LDLRAD4: variants seen among roughly 807,000 people sequenced by gnomAD.
LDLRAD4 encodes low-density lipoprotein receptor class A domain-containing protein 4.
A neutral mutation model predicts 17.0 loss-of-function variants in LDLRAD4; 5 were observed. The ratio of observed to expected loss-of-function variants is 0.29; its 90% confidence interval spans 0.15 to 0.62. LDLRAD4 has a LOEUF of 0.62. Among genes scored for constraint, LDLRAD4 ranks in the 20% least tolerant of loss-of-function variants. LDLRAD4 has a pLI of 0.84. For missense variants in LDLRAD4, 340 were observed against 424.7 expected, an observed-to-expected ratio of 0.80 and a Z score of 1.75; for synonymous variants, 168 against 171.8, an observed-to-expected ratio of 0.98 and a Z score of 0.17.
chr18:13,267,533 T>G (rs1306904178), intron 1 of LDLRAD4, among the ~76,000 whole-genome samples: 1 of 152,268 alleles, frequency 6.6e-6, no homozygotes, highest in Admixed American at 6.5e-5. Flanking sequence ...GTAAACAACC[T>G]CTGCAGTGTT....
At chr18:13,461,582 G>C (rs768473504) in intron 3 of LDLRAD4, 1 of 152,230 alleles carries the variant, frequency 6.6e-6, no homozygotes, top group Non-Finnish European at 1.5e-5. Flanking sequence ...GCCCTAGCAA[G>C]CGGCTCCTGA....
At chr18:13,387,736 G>A in exon 2 of LDLRAD4, 1 of 1,614,072 alleles carries the variant, frequency 6.2e-7, no homozygotes, top group Non-Finnish European at 8.5e-7. Context: ...CCGGAAGCTG[G>A]TTTTCAGGCC....
intron 3 of LDLRAD4, among the ~76,000 whole-genome samples, chr18:13,481,716 C>CTGGG (rs34684209): frequency 0.79 from 119,921 of 151,742 alleles, 47,568 homozygotes; most frequent in South Asian, 0.88. Context: ...GGGTCCTGAG[C>CTGGG]TGGGCCTGAG....
chr18:13,447,035 G>C (rs1244113479), intron 3 of LDLRAD4, among the ~76,000 whole-genome samples: 1 of 152,216 alleles, frequency 6.6e-6, no homozygotes, highest in Non-Finnish European at 1.5e-5. Context: ...GGTTTCCACA[G>C]ACTTAATTCT....
intron 1 of LDLRAD4, chr18:13,280,182 G>A (rs1229186647): frequency 1.3e-5 from 2 of 152,212 alleles, no homozygotes; most frequent in African/African-American, 2.4e-5. Flanking sequence ...TTCCCTCCTC[G>A]ATGAATCTGA....
In LDLRAD4 at chr18:13,343,210, C is replaced by A. The variant is rs1003410441; in HGVS notation, c.-382-44131C>A. ...AACTCGTTATTTAACATTAATATAT[C>A]TCCTAATGCTATCCCTCCCCCCTCC... On this transcript the variant is annotated intron_variant, in intron 1 of 5. Coordinates refer to ENST00000359446, the Ensembl canonical transcript of LDLRAD4. 9.5e-4 allele frequency among the ~76,000 whole-genome samples: 144 copies of A among 151,278 alleles called. 1 individual carries two copies. The highest frequency in any genetic ancestry group is 1.9e-3 in the Non-Finnish European group (130 of 67,820).
chr18:13,229,701 G>A (rs2041977368), intron 1 of LDLRAD4, among the ~76,000 whole-genome samples: 1 of 152,146 alleles, frequency 6.6e-6, no homozygotes, highest in East Asian at 1.9e-4. Flanking sequence ...CGCTTCCTTC[G>A]CTCCCTCCCT....
chr18:13,506,958 G>A (rs2093703724), intron 3 of LDLRAD4, among the ~76,000 whole-genome samples: 1 of 152,188 alleles, frequency 6.6e-6, no homozygotes, highest in Admixed American at 6.5e-5. Context: ...GCTTTACTGT[G>A]CTTCACAGAT....
At chr18:13,359,101 G>A (rs1220398939) in intron 1 of LDLRAD4, among the ~76,000 whole-genome samples, 5 of 152,166 alleles carry the variant, frequency 3.3e-5, no homozygotes, top group African/African-American at 1.2e-4. Flanking sequence ...AGTGCACGTG[G>A]TTACTCCATG....
chr18:13,578,827 C>CTTGTTTTTT (rs2094812904), intron 3 of LDLRAD4, among the ~76,000 whole-genome samples: 1 of 65,676 alleles, frequency 1.5e-5, no homozygotes, highest in Non-Finnish European at 2.8e-5. Flanking sequence ...TTGTCCGGGT[C>CTTGTTTTTT]TTTTTTTTTT....
intron 3 of LDLRAD4, among the ~76,000 whole-genome samples, chr18:13,459,319 A>G (rs2092311737): frequency 6.6e-6 from 1 of 151,920 alleles, no homozygotes; most frequent in Admixed American, 6.6e-5. Context: ...GCCTGGTAAC[A>G]GACTGAGACT....
chr18:13,332,178 C>G (rs753226766), intron 1 of LDLRAD4, among the ~76,000 whole-genome samples: 3 of 152,178 alleles, frequency 2.0e-5, no homozygotes, highest in Non-Finnish European at 2.9e-5. Flanking sequence ...TCATTTTATT[C>G]AGAATTTAAA....
intron 1 of LDLRAD4, among the ~76,000 whole-genome samples, chr18:13,254,583 G>A (rs2043402761): frequency 6.6e-6 from 1 of 152,214 alleles, no homozygotes; most frequent in Non-Finnish European, 1.5e-5. Context: ...CATTCATGGT[G>A]GTTACGGAAT....
At chr18:13,542,888 G>A (rs2094306228) in intron 3 of LDLRAD4, 1 of 152,200 alleles carries the variant, frequency 6.6e-6, no homozygotes, top group South Asian at 2.1e-4. Context: ...GAGGTACCTT[G>A]CCTGCTTGTG....
In LDLRAD4 at chr18:13,494,121, GTGA is replaced by G. The variant is rs554504077; in HGVS notation, c.181+55740_181+55742del. Among the ~76,000 whole-genome samples, 722 of 152,296 alleles carry G rather than the reference GTGA, an allele frequency of 4.7e-3. 7 individuals are homozygous for G. Among genetic ancestry groups the G allele is most frequent in the African/African-American group, 0.016 (672 of 41,564 alleles). The stretch of plus-strand genomic sequence containing the variant: ...TTTGGGGAGAAGGAGCAGGGCGGTG[GTGA>G]TGGCTCTGCTGAGAGGAGGCATCAT... On this transcript the variant is annotated intron_variant, in intron 3 of 5. Transcript: ENST00000359446.
At chr18:13,538,057 G>A (rs2094224048) in intron 3 of LDLRAD4, among the ~76,000 whole-genome samples, 1 of 152,048 alleles carries the variant, frequency 6.6e-6, no homozygotes, top group Non-Finnish European at 1.5e-5. Context: ...GGTAATTTAT[G>A]TCTTCCCTGT....
At chr18:13,450,789 G>A (rs1312655640) in intron 3 of LDLRAD4, among the ~76,000 whole-genome samples, 2 of 152,224 alleles carry the variant, frequency 1.3e-5, no homozygotes, top group Non-Finnish European at 2.9e-5. Context: ...TCATGGGCTG[G>A]CAGGGTCTGG....
At chr18:13,433,864 A>G (rs2090494752) in intron 2 of LDLRAD4, among the ~76,000 whole-genome samples, 2 of 152,174 alleles carry the variant, frequency 1.3e-5, no homozygotes. Flanking sequence ...CGCACATGGT[A>G]TAACCCAACT....
intron 1 of LDLRAD4, among the ~76,000 whole-genome samples, chr18:13,341,094 T>G (rs991572993): frequency 2.0e-5 from 3 of 152,212 alleles, no homozygotes; most frequent in Non-Finnish European, 4.4e-5. Flanking sequence ...TGTCTGTCTT[T>G]ATGCCAGTAT....
Sources: gnomAD v4.1 joint callset for allele counts (sites outside exome capture counted in the v4.1 genomes callset) on GRCh38, gnomAD v4.1.1 for gene constraint, MANE v1.5 for transcripts, NCBI Gene and HGNC (gene_info 2026-07-23, HGNC 2026-07-21) for gene names.